ANKRD11: variants seen among roughly 807,000 people sequenced by gnomAD.
The protein encoded by ANKRD11 is ankyrin repeat domain-containing protein 11.
In ANKRD11, 17 loss-of-function variants were observed where a neutral mutation model predicts 195.7. The observed-to-expected ratio is 0.09, with a 90% confidence interval of 0.06 to 0.13. The LOEUF (loss-of-function observed/expected upper bound fraction) is 0.13, where lower values mean the gene tolerates loss of function less well. ANKRD11 is among the 10% of genes least tolerant of loss of function. The pLI, the probability that ANKRD11 is intolerant of heterozygous loss-of-function variation, is 1.00. For missense variants in ANKRD11, 3,735 were observed against 3,566.1 expected (o/e 1.05, Z -1.21); for synonymous variants, 1,953 against 1,528.1 (o/e 1.28, Z -6.49).
In ANKRD11 at chr16:89,379,709, C is replaced by A. The variant is rs140120578; in HGVS notation, c.-60+38575G>T. Among the ~76,000 whole-genome samples, 704 of 152,326 alleles carry A rather than the reference C, an allele frequency of 4.6e-3. 8 individuals are homozygous for A. Among genetic ancestry groups the A allele is most frequent in the South Asian group, 0.034 (162 of 4,824 alleles). ...CCAAGCAGCACGGAAGAGCTCCGTG[C>A]AGTGCACGGATTTGCGAAGAACGTG... On this transcript the variant is annotated intron_variant, in intron 2 of 12. Transcript: ENST00000301030.
chr16:89,286,069 T>A lies in ANKRD11; in HGVS notation c.862A>T (p.Thr288Ser), dbSNP rs2034623545. Residue 288 changes from threonine to serine, a missense_variant, in exon 8 of 13, where the codon ACT (threonine) becomes TCT (serine). Transcript: ENST00000301030. ...GAGCTCTCCTCGCTGGAAGTGTAAG[T>A]GCCTTTGCCTAACAGGAGGTTCACC... ...TMVNLLLGKG[T>S]YTSSEESSTE... 1 of 1,614,104 alleles carries A rather than the reference T, an allele frequency of 6.2e-7. No individual in the cohort carries two copies. The highest frequency in any genetic ancestry group is 8.5e-7 in the Non-Finnish European group (1 of 1,180,044).
At chr16:89,334,736 CCA>C (rs1424730547) in intron 2 of ANKRD11, among the ~76,000 whole-genome samples, 1 of 152,168 alleles carries the variant, frequency 6.6e-6, no homozygotes, top group African/African-American at 2.4e-5. Flanking sequence ...CCACGTCATA[CCA>C]CACTCACTTG....
At chr16:89,483,983 C>A (rs1019762287) in intron 1 of ANKRD11, among the ~76,000 whole-genome samples, 5 of 152,056 alleles carry the variant, frequency 3.3e-5, no homozygotes, top group Admixed American at 3.3e-4. Flanking sequence ...AAGAAAAAAT[C>A]CACAAAGTCT....
intron 1 of ANKRD11, among the ~76,000 whole-genome samples, chr16:89,425,804 A>G (rs1286599531): frequency 6.6e-6 from 1 of 152,182 alleles, no homozygotes; most frequent in Non-Finnish European, 1.5e-5. Context: ...AAACTTCAGA[A>G]CTGAGGTGAG....
chr16:89,428,658 G>A (rs2042834268), intron 1 of ANKRD11, among the ~76,000 whole-genome samples: 1 of 152,068 alleles, frequency 6.6e-6, no homozygotes, highest in African/African-American at 2.4e-5. Flanking sequence ...CACTTTGGGA[G>A]GCCGAAGTGG....
At position 89,323,706 on chromosome 16, in the gene ANKRD11, A is replaced by ACCC. The variant is rs1035243290; in HGVS notation, c.-59-6631_-59-6629dup. On this transcript the variant is annotated intron_variant, in intron 2 of 12. Coordinates refer to ENST00000301030, the MANE Select transcript of ANKRD11 (RefSeq NM_013275.6). ...CAGCGTCTCTGTCCAGCCTCCACAC[A>ACCC]CCCCTGCACGTTCTGAAGAGCCCTC... 6 of 279,542 alleles carry ACCC rather than the reference A, an allele frequency of 2.1e-5. No homozygotes were observed. In the Admixed American group the frequency reaches 2.5e-4, roughly 12 times the overall value. The allele number at this position is 279,542 out of a possible 1,614,324, so 17.3% of individuals were successfully genotyped here.
At chr16:89,426,568 A>ACACACAC (rs1320103877) in intron 1 of ANKRD11, among the ~76,000 whole-genome samples, 30 of 81,674 alleles carry the variant, frequency 3.7e-4, no homozygotes, top group African/African-American at 8.4e-4. Context: ...CACACACACA[A>ACACACAC]ATCTGAAATC....
At chr16:89,489,936 A>AC (rs1303181119) in intron 1 of ANKRD11, among the ~76,000 whole-genome samples, 2 of 104,826 alleles carry the variant, frequency 1.9e-5, no homozygotes, top group African/African-American at 7.5e-5. Context: ...CTTACGGCCG[A>AC]CCCAAGCTCC....
At chr16:89,411,506 C>T (rs1376821654) in intron 2 of ANKRD11, among the ~76,000 whole-genome samples, 1 of 152,142 alleles carries the variant, frequency 6.6e-6, no homozygotes, top group Admixed American at 6.5e-5. Flanking sequence ...CTCTGCCTCC[C>T]GAGCTCAAGA....
At chr16:89,308,833 G>A (rs1480883187) in intron 3 of ANKRD11, among the ~76,000 whole-genome samples, 16 of 151,964 alleles carry the variant, frequency 1.1e-4, no homozygotes, top group East Asian at 1.9e-4. Context: ...GAACGGGGAC[G>A]TGCAGCATCA....
intron 1 of ANKRD11, among the ~76,000 whole-genome samples, chr16:89,462,565 GC>G (rs1350165694): frequency 1.3e-5 from 2 of 149,042 alleles, no homozygotes; most frequent in East Asian, 4.0e-4. Flanking sequence ...CTGCCTGGCT[GC>G]CCAGTCTGGA....
intron 4 of ANKRD11, 38 bp downstream of exon 4, chr16:89,305,168 G>C (rs1170573407): frequency 6.2e-7 from 1 of 1,605,174 alleles, no homozygotes; most frequent in South Asian, 1.1e-5. Context: ...CGGGCTGCCT[G>C]TGGAGGGCTG....
intron 2 of ANKRD11, chr16:89,323,977 A>C: frequency 4.5e-6 from 1 of 220,920 alleles, no homozygotes; most frequent in South Asian, 5.7e-5. Flanking sequence ...CTGCACCCCA[A>C]AATTCACAGG....
At chr16:89,270,664 C>A (rs1026405690) in intron 12 of ANKRD11, 153 bp downstream of exon 12, 33 of 775,288 alleles carry the variant, frequency 4.3e-5, no homozygotes, top group Non-Finnish European at 6.8e-5. Context: ...CCGAAAGCAT[C>A]GGCCAGATTA....
At chr16:89,483,593 C>T (rs1474930074) in intron 1 of ANKRD11, among the ~76,000 whole-genome samples, 1 of 152,152 alleles carries the variant, frequency 6.6e-6, no homozygotes, top group Non-Finnish European at 1.5e-5. Flanking sequence ...CTTTGGGAGG[C>T]CAAGGCAGGC....
chr16:89,311,667 A>C (rs1024839164), intron 3 of ANKRD11, among the ~76,000 whole-genome samples: 10 of 152,210 alleles, frequency 6.6e-5, no homozygotes, highest in African/African-American at 2.4e-4. Flanking sequence ...TCGTTTGCCA[A>C]AGATAGGATT....
chr16:89,484,857 T>C (rs2057553058), intron 1 of ANKRD11, among the ~76,000 whole-genome samples: 1 of 152,112 alleles, frequency 6.6e-6, no homozygotes, highest in Admixed American at 6.5e-5. Flanking sequence ...ATTGGTTGCT[T>C]TACACGTGGA....
chr16:89,281,990 A>G lies in ANKRD11; in HGVS notation c.4552T>C (p.Ser1518Pro). 6.2e-7 allele frequency: 1 copy of G among 1,612,756 alleles called. No individual in the cohort carries two copies. Among genetic ancestry groups the G allele is most frequent in the Non-Finnish European group, 8.5e-7 (1 of 1,179,968 alleles). ...DSPPRVLKDKSRDEGPRLGDA... is the reference protein window; with the variant it reads ...DSPPRVLKDKPRDEGPRLGDA... ...CCGAGCCTCGGGCCCTCGTCCCTGG[A>G]CTTGTCTTTGAGCACGCGGGGCGGG... Residue 1518 changes from serine to proline, a missense_variant, in exon 9 of 13, where the codon TCC becomes CCC. Physicochemically the swap from Ser to Pro is moderately conservative, Grantham distance 74 (BLOSUM62 -1). Transcript: ENST00000301030. The surrounding 1 kb of genome is among the most constrained non-coding windows in gnomAD (Gnocchi z 5.5).
At chr16:89,341,691 C>G (rs2038667671) in intron 2 of ANKRD11, among the ~76,000 whole-genome samples, 2 of 152,386 alleles carry the variant, frequency 1.3e-5, no homozygotes, top group Admixed American at 6.5e-5. Flanking sequence ...CCCTCACACA[C>G]CTATTCATCT....
Sources: gnomAD v4.1 joint callset for allele counts (sites outside exome capture counted in the v4.1 genomes callset) on GRCh38, gnomAD v4.1.1 for gene constraint, Gnocchi (gnomAD v3.1) non-coding constraint, MANE v1.5 for transcripts, NCBI Gene and HGNC (gene_info 2026-07-23, HGNC 2026-07-21) for gene names.